Variants in RCOR2 observed in about 807,000 individuals in gnomAD.
RCOR2 encodes REST corepressor 2.
A neutral mutation model predicts 58.9 loss-of-function variants in RCOR2; 19 were observed. The ratio of observed to expected loss-of-function variants is 0.32; its 90% CI spans 0.23 to 0.47. RCOR2 has a LOEUF of 0.47. Ranked by LOEUF, RCOR2 falls within the 20% of genes least tolerant of loss-of-function variation. The pLI is 1.00. For synonymous variants in RCOR2, 286 were observed against 278.7 expected (o/e 1.03, Z -0.26); for missense variants, 590 against 707.9 (o/e 0.83, Z 1.89).
the RCOR2 span, among the ~76,000 whole-genome samples, chr11:63,925,311 G>T: frequency 6.6e-6 from 1 of 152,134 alleles, no homozygotes; most frequent in Non-Finnish European, 1.5e-5. Context: ...GGATCCATGT[G>T]GTGCTATGGC....
chr11:63,924,855 A>ATTTT, the RCOR2 span, among the ~76,000 whole-genome samples: 38,541 of 143,512 alleles, frequency 0.27, 6,731 homozygotes, highest in Non-Finnish European at 0.37. Flanking sequence ...AGCCAAGGTG[A>ATTTT]TTTTTTTTTT....
At chr11:63,924,109 T>C in the RCOR2 span, among the ~76,000 whole-genome samples, 1,831 of 152,272 alleles carry the variant, frequency 0.012, 37 homozygotes, top group African/African-American at 0.04. Flanking sequence ...GGTTTCTCCA[T>C]GTTAGTCAGG....
chr11:63,913,184 A>ATATTTT (rs1295322127), intron 8 of RCOR2, among the ~76,000 whole-genome samples: 2 of 77,858 alleles, frequency 2.6e-5, no homozygotes, highest in African/African-American at 5.8e-5. Flanking sequence ...ATATATATAT[A>ATATTTT]TTTTTTTTTT....
upstream of RCOR2, among the ~76,000 whole-genome samples, chr11:63,920,218 G>A (rs1941906038): frequency 6.6e-6 from 1 of 152,260 alleles, no homozygotes; most frequent in Admixed American, 6.5e-5. Context: ...AGTGTCGGAA[G>A]CCCTTTGCCT....
At position 63,914,285 on chromosome 11, in the gene RCOR2, G is replaced by A. The variant is rs200698022; in HGVS notation, c.651C>T (p.Pro217=). The change falls in exon 7 of 12, where the codon CCC becomes CCT. Residue 217 remains proline (P), a synonymous_variant. Coordinates refer to ENST00000301459, the MANE Select transcript of RCOR2 (RefSeq NM_173587.4). ...CCTCTCTCTTGGGATCTGCAGGATC[G>A]GGCTCTCCCTCACTCACGCCTCCTC... The part of the protein sequence containing the change: ...EGRGGVSEGE[P]DPADPKREPL... 1.7e-5 allele frequency: 28 copies of A among 1,613,416 alleles called. No homozygotes were observed. In the Admixed American group the frequency reaches 2.7e-4, roughly 15 times the overall value.
rs778860056 is a variant in RCOR2 at position 63,916,373 on chromosome 11, C to A, written c.84G>T (p.Gln28His). Residue 28 changes from glutamine (Q) to histidine (H), a missense_variant, in exon 1 of 12, where the codon CAG (glutamine) becomes CAT (histidine). This residue lies in a region of RCOR2 where 390 missense variants were observed against 478.7 expected (regional missense o/e 0.81). Transcript: ENST00000301459. ...SRAKTVPNGG[Q>H]PHSEDDSSEE... is the part of the protein sequence containing the mutation. ...CGCTGCTGTCATCCTCCGAGTGGGGCTGTCCGCCGTTGGGCACCGTCTTGG... is the reference window on the plus strand; with the variant it reads ...CGCTGCTGTCATCCTCCGAGTGGGGATGTCCGCCGTTGGGCACCGTCTTGG... The A allele has an allele frequency of 6.2e-7, 1 of 1,607,570 alleles. No homozygotes were observed. The highest frequency in any genetic ancestry group is 1.7e-5 in the Admixed American group (1 of 59,494).
At chr11:63,922,013 A>G (rs1010780475), upstream of RCOR2, among the ~76,000 whole-genome samples, 3 of 152,182 alleles carry the variant, frequency 2.0e-5, no homozygotes, top group African/African-American at 7.2e-5. Context: ...CCATTATCTC[A>G]AGAGTGGGTT....
In RCOR2 at chr11:63,915,572, A is replaced by G; in HGVS notation, c.167T>C (p.Ile56Thr). 1 of 1,520,688 alleles carries G rather than the reference A, an allele frequency of 6.6e-7. No homozygotes were observed. The allele number at this position is 1,520,688 out of a possible 1,614,324, so 94.2% of individuals were successfully genotyped here. ...IRVGTNYQAV[I>T]PECKPESPAR... ...CGGCTCACCAGGCTTGCACTCCGGA[A>G]TTACGGCCTGGTAATTGGTTCCAAC... Residue 56 changes from isoleucine (I) to threonine (T), a missense_variant, in exon 2 of 12, where the codon ATT (isoleucine) becomes ACT (threonine). Around this residue, in one of 3 missense-constraint regions of RCOR2, gnomAD observed 390 missense variants for 478.7 expected, o/e 0.81. Coordinates refer to ENST00000301459, the MANE Select transcript of RCOR2 (RefSeq NM_173587.4).
upstream of RCOR2, among the ~76,000 whole-genome samples, chr11:63,921,483 C>A (rs1041704557): frequency 6.6e-6 from 1 of 152,218 alleles, no homozygotes; most frequent in African/African-American, 2.4e-5. Flanking sequence ...CCAGTGCAGT[C>A]AGGTGGACCA....
chr11:63,919,514 C>T (rs1590738932), upstream of RCOR2, among the ~76,000 whole-genome samples: 2 of 152,176 alleles, frequency 1.3e-5, no homozygotes, highest in East Asian at 3.9e-4. Flanking sequence ...TCCCTGGCTC[C>T]ACTTGTCCCC....
upstream of RCOR2, among the ~76,000 whole-genome samples, chr11:63,919,630 CCCT>C (rs563882052): frequency 5.8e-4 from 88 of 152,324 alleles, no homozygotes; most frequent in South Asian, 2.3e-3. Context: ...GGGGACCAGC[CCCT>C]CCTCTCCTGC....
In RCOR2 at chr11:63,912,712, G is replaced by A. The variant is rs1941790596; in HGVS notation, c.991C>T (p.Arg331Cys). 16 of 1,613,950 alleles carry A rather than the reference G, an allele frequency of 9.9e-6. No homozygotes were observed. The highest frequency in any genetic ancestry group is 1.4e-5 in the Non-Finnish European group (16 of 1,180,024). ...AAAAGCTGCTCATCTGTGGTCCAGC[G>A]GGAGTTGAACTTGGTGTTGGCCTGG... The part of the protein sequence containing the change: ...PPEANTKFNS[R>C]WTTDEQLLAV... Residue 331 changes from arginine (R) to cysteine (C), a missense_variant, in exon 10 of 12, where the codon CGC (arginine) becomes TGC (cysteine). Physicochemically the swap from Arg to Cys is radical, Grantham distance 180. Coordinates refer to ENST00000301459, the MANE Select transcript of RCOR2 (RefSeq NM_173587.4).
At position 63,914,349 on chromosome 11, in the gene RCOR2, G is replaced by C; in HGVS notation, c.606-19C>G. 6.8e-6 allele frequency: 11 copies of C among 1,613,466 alleles called. No homozygotes were observed. Among genetic ancestry groups the C allele is most frequent in the Non-Finnish European group, 9.3e-6 (11 of 1,180,002 alleles). Reference sequence around the variant, plus strand: ...CTCATCACTGCTGACACAGGGGCCAGGGAGGGAATGAGGCAGCTGCCAGGA... The same window carrying C: ...CTCATCACTGCTGACACAGGGGCCACGGAGGGAATGAGGCAGCTGCCAGGA... On this transcript the variant is annotated intron_variant, in intron 6 of 11. Coordinates refer to ENST00000301459, the MANE Select transcript of RCOR2 (RefSeq NM_173587.4).
At chr11:63,916,222 G>T in intron 1 of RCOR2, 108 bp downstream of exon 1, 2 of 1,003,578 alleles carry the variant, frequency 2.0e-6, no homozygotes, top group South Asian at 1.6e-5. Flanking sequence ...TCCAGGAGAG[G>T]CAGGAGCCAT....
Position 63,912,354 on chromosome 11 carries a change from G to A in RCOR2, c.1208C>T (p.Ala403Val). Residue 403 changes from alanine (A) to valine (V), a missense_variant, in exon 11 of 12, where the codon GCT (alanine) becomes GTT (valine). Physicochemically the swap from Ala to Val is moderately conservative, Grantham distance 64. Coordinates refer to ENST00000301459, the MANE Select transcript of RCOR2 (RefSeq NM_173587.4). ...APGAPVPMEE[A>V]RRGAPLPAPA... ...GGCTGGCAATGGAGCCCCTCTCCTA[G>A]CCTCCTCCATGGGGACTGGGGCTCC... 1 of 1,613,652 alleles carries A rather than the reference G, an allele frequency of 6.2e-7. No individual in the cohort carries two copies. The highest frequency in any genetic ancestry group is 8.5e-7 in the Non-Finnish European group (1 of 1,179,904).
intron 3 of RCOR2, 96 bp from the exon 4 acceptor site, chr11:63,915,050 C>G (rs1447989308): frequency 1.9e-6 from 3 of 1,563,494 alleles, no homozygotes. Context: ...GGCCAGGTCC[C>G]TGAACACGAG....
Position 63,914,057 on chromosome 11 carries a change from A to G in RCOR2, c.788T>C (p.Met263Thr), listed in dbSNP as rs1941819047. 6.2e-7 allele frequency: 1 copy of G among 1,613,826 alleles called. No homozygotes were observed. The highest frequency in any genetic ancestry group is 8.5e-7 in the Non-Finnish European group (1 of 1,179,958). ...CGTGAGGCCTTCAGGGCTCAGGTAC[A>G]TGCCCTTGGGTGGGCGACGCCGGGT... is the stretch of plus-strand genomic sequence containing the variant. ...LRTRRRPPKG[M>T]YLSPEGLTAV... The change falls in exon 8 of 12, where the codon ATG becomes ACG. Residue 263 changes from methionine to threonine, a missense_variant. Around this residue, in one of 3 missense-constraint regions of RCOR2, gnomAD observed 390 missense variants for 478.7 expected, o/e 0.81. Transcript: ENST00000301459.
chr11:63,914,085 G>C lies in RCOR2; in HGVS notation c.760C>G (p.Arg254Gly). 1 of 1,613,958 alleles carries C rather than the reference G, an allele frequency of 6.2e-7. No homozygotes were observed. The highest frequency in any genetic ancestry group is 8.5e-7 in the Non-Finnish European group (1 of 1,180,032). The change falls in exon 8 of 12, where the codon CGA becomes GGA. Residue 254 changes from arginine (R) to glycine (G), a missense_variant. Arg to Gly is a moderately radical substitution (Grantham distance 125). Transcript: ENST00000301459. ...CCCTTGGGTGGGCGACGCCGGGTTC[G>C]CAAGGGATGGTGGCGGTACTGAGAC... ...QVSQYRHHPL[R>G]TRRRPPKGMY...
chr11:63,926,779 G>T, the RCOR2 span, among the ~76,000 whole-genome samples: 4 of 119,278 alleles, frequency 3.4e-5, no homozygotes, highest in East Asian at 2.1e-4. Flanking sequence ...TGCCTGGCCT[G>T]TTTTTTTTTT....
Sources: allele counts gnomAD v4.1 joint callset (sites outside exome capture counted in the v4.1 genomes callset), GRCh38; gene constraint gnomAD v4.1.1; regional missense constraint gnomAD v4.1.1; transcripts MANE v1.5; gene names NCBI Gene and HGNC (gene_info 2026-07-23, HGNC 2026-07-21).